ANP32A: variants seen among roughly 807,000 people sequenced by gnomAD.
The protein encoded by ANP32A is acidic nuclear phosphoprotein 32 family member A, also known as acidic leucine-rich nuclear phosphoprotein 32 family member A.
Under a neutral mutation model 33.9 loss-of-function variants are expected in ANP32A, and 1 was observed. The ratio of observed to expected loss-of-function variants is 0.03; its 90% CI spans 0.01 to 0.14. The LOEUF is 0.14. Among genes scored for constraint, ANP32A ranks in the 10% least tolerant of loss-of-function variants. The pLI is 1.00. For synonymous variants in ANP32A, 115 were observed against 120.5 expected (o/e 0.95, Z 0.30); for missense variants, 155 against 306.0 (o/e 0.51, Z 3.68).
chr15:68,783,419 A>G (rs1893894719), intron 4 of ANP32A, among the ~76,000 whole-genome samples: 1 of 152,068 alleles, frequency 6.6e-6, no homozygotes, highest in East Asian at 1.9e-4. Flanking sequence ...TGAGGCACAG[A>G]GAGAACTGAC....
At chr15:68,790,547 T>A (rs889041811) in intron 1 of ANP32A, 3 of 152,226 alleles carry the variant, frequency 2.0e-5, no homozygotes, top group African/African-American at 7.2e-5. Context: ...AATGCTTTGA[T>A]TAAAAATAAT....
At chr15:68,810,913 AT>A (rs1894302403) in intron 1 of ANP32A, among the ~76,000 whole-genome samples, 1 of 151,988 alleles carries the variant, frequency 6.6e-6, no homozygotes, top group South Asian at 2.1e-4. Context: ...TAAAAAAGTT[AT>A]CCGGGCGTGG....
At chr15:68,793,257 A>T (rs1219938226) in intron 1 of ANP32A, among the ~76,000 whole-genome samples, 1 of 152,226 alleles carries the variant, frequency 6.6e-6, no homozygotes, top group Non-Finnish European at 1.5e-5. Flanking sequence ...TATAGAGGTG[A>T]GTCAAACTGT....
At position 68,784,449 on chromosome 15, in the gene ANP32A, C is replaced by A. The variant is rs142767490; in HGVS notation, c.474G>T (p.Ser158=). The change falls in exon 4 of 7, where the codon TCG becomes TCT. Residue 158 remains serine, a synonymous_variant. Transcript: ENST00000465139. Reference sequence around the variant, plus strand: ...GGCCCTCCACGTAGCCCTCAGCATCCGAGTCAGGGGCCTCCTTGTCGTCCC... The same window carrying A: ...GGCCCTCCACGTAGCCCTCAGCATCAGAGTCAGGGGCCTCCTTGTCGTCCC... The part of the protein sequence containing the change: ...YDRDDKEAPD[S]DAEGYVEGLD... 6.2e-6 allele frequency: 10 copies of A among 1,614,158 alleles called. No individual in the cohort carries two copies. The Admixed American group carries it at 1.3e-4, about 22-fold the overall frequency.
Position 68,820,767 on chromosome 15 carries a change from T to C in ANP32A, c.-16A>G. ...CCATCTCCATCTCTCGCGCTCTCTC[T>C]CTGCAGAGGCTCCCGCGCCGGCGGA... On this transcript the variant is annotated 5_prime_UTR_variant, in exon 1 of 7. Coordinates refer to ENST00000465139, the MANE Select transcript of ANP32A (RefSeq NM_006305.4). 6.2e-7 allele frequency: 1 copy of C among 1,613,828 alleles called. No individual in the cohort carries two copies. The highest frequency in any genetic ancestry group is 8.5e-7 in the Non-Finnish European group (1 of 1,179,864).
chr15:68,790,536 T>TA (rs1433987692), intron 1 of ANP32A: 3 of 152,332 alleles, frequency 2.0e-5, no homozygotes, highest in African/African-American at 7.2e-5. Context: ...CAATCACTAT[T>TA]AATGCTTTGA....
intron 1 of ANP32A, among the ~76,000 whole-genome samples, chr15:68,798,870 C>G (rs1473396318): frequency 6.6e-6 from 1 of 152,206 alleles, no homozygotes; most frequent in Non-Finnish European, 1.5e-5. Flanking sequence ...TCAGCAATGA[C>G]AGAAGCAGAG....
At chr15:68,782,290 AT>A (rs1893879699) in intron 5 of ANP32A, among the ~76,000 whole-genome samples, 1 of 152,138 alleles carries the variant, frequency 6.6e-6, no homozygotes, top group Non-Finnish European at 1.5e-5. Flanking sequence ...GTCCTTAAGC[AT>A]TTTACTTACA....
At chr15:68,803,279 C>T (rs915905159) in intron 1 of ANP32A, among the ~76,000 whole-genome samples, 1 of 152,186 alleles carries the variant, frequency 6.6e-6, no homozygotes, top group Non-Finnish European at 1.5e-5. Context: ...CAAGCAAGGA[C>T]CACACAAAGC....
At chr15:68,806,923 C>T (rs1160525078) in intron 1 of ANP32A, among the ~76,000 whole-genome samples, 1 of 152,254 alleles carries the variant, frequency 6.6e-6, no homozygotes, top group African/African-American at 2.4e-5. Flanking sequence ...CATCTGCCAT[C>T]GTCACAGAGC....
chr15:68,785,200 A>G (rs894835639), intron 3 of ANP32A, among the ~76,000 whole-genome samples: 1 of 152,190 alleles, frequency 6.6e-6, no homozygotes, highest in Non-Finnish European at 1.5e-5. Context: ...TACTCTTTGA[A>G]TATTGCCTGT....
intron 4 of ANP32A, among the ~76,000 whole-genome samples, chr15:68,784,008 C>T (rs998041237): frequency 6.6e-6 from 1 of 152,086 alleles, no homozygotes; most frequent in Non-Finnish European, 1.5e-5. Flanking sequence ...TGTCTAAGTG[C>T]GGGTCACACT....
At chr15:68,812,146 A>G (rs922281268) in intron 1 of ANP32A, among the ~76,000 whole-genome samples, 2 of 152,206 alleles carry the variant, frequency 1.3e-5, no homozygotes, top group Non-Finnish European at 2.9e-5. Context: ...ACAGTGCGGC[A>G]GGCACTATTA....
intron 1 of ANP32A, among the ~76,000 whole-genome samples, chr15:68,815,931 G>A (rs763634769): frequency 1.1e-4 from 17 of 152,320 alleles, no homozygotes; most frequent in South Asian, 6.2e-4. Flanking sequence ...TGCCAGTTAT[G>A]TTGAGTTTTT....
In ANP32A at chr15:68,784,578, G is replaced by A; in HGVS notation, c.345C>T (p.Leu115=). Residue 115 remains leucine, a synonymous_variant, in exon 4 of 7, where the codon CTC becomes CTT. Transcript: ENST00000465139. The part of the protein sequence containing the change: ...TIEPLKKLEN[L]KSLDLFNCEV... ...CGCAATTGAAAAGGTCTAAGCTCTT[G>A]AGGTTTTCTAACTTTTTCTGCAAGC... 1 of 1,614,170 alleles carries A rather than the reference G, an allele frequency of 6.2e-7. No homozygotes were observed. The highest frequency in any genetic ancestry group is 2.2e-5 in the East Asian group (1 of 44,884).
chr15:68,794,385 C>T (rs1894036670), intron 1 of ANP32A, among the ~76,000 whole-genome samples: 1 of 152,158 alleles, frequency 6.6e-6, no homozygotes, highest in African/African-American at 2.4e-5. Flanking sequence ...TCACACTAAC[C>T]CTGACCACCC....
chr15:68,782,958 C>G lies in ANP32A; in HGVS notation c.622G>C (p.Glu208Gln). The G allele has an allele frequency of 6.4e-7, 1 of 1,551,960 alleles. No homozygotes were observed. Among genetic ancestry groups the G allele is most frequent in the Non-Finnish European group, 8.7e-7 (1 of 1,147,048 alleles). The stretch of plus-strand genomic sequence containing the variant: ...CCTGCCCAGCCCAGCCTCCTTACCT[C>G]CTCCTCTCCACTCACGTCCTCCTCT... The part of the protein sequence containing the change: ...GEEEDVSGEE[E>Q]EDEEGYNDGE... Residue 208 changes from glutamate (E) to glutamine (Q), a missense_variant and splice_region_variant, in exon 5 of 7, where the codon GAG becomes CAG. This residue lies in a region of ANP32A where 63 missense variants were observed against 82.8 expected (regional missense o/e 0.76). Transcript: ENST00000465139.
chr15:68,793,186 A>G (rs1057156688), intron 1 of ANP32A, among the ~76,000 whole-genome samples: 5 of 152,246 alleles, frequency 3.3e-5, no homozygotes, highest in African/African-American at 4.8e-5. Flanking sequence ...AGCGGAGACC[A>G]GAGCAACTGC....
intron 1 of ANP32A, among the ~76,000 whole-genome samples, chr15:68,798,547 G>A (rs1894091479): frequency 6.6e-6 from 1 of 152,134 alleles, no homozygotes; most frequent in Admixed American, 6.5e-5. Flanking sequence ...ACTCACCCAA[G>A]GCTACACAGT....
Sources: allele counts gnomAD v4.1 joint callset (sites outside exome capture counted in the v4.1 genomes callset), GRCh38; gene constraint gnomAD v4.1.1; regional missense constraint gnomAD v4.1.1; transcripts MANE v1.5; gene names NCBI Gene and HGNC (gene_info 2026-07-23, HGNC 2026-07-21).